ACVR1: variants seen among roughly 807,000 people sequenced by gnomAD.
ACVR1 encodes activin A receptor type 1, also known as activin receptor type-1.
Under a neutral mutation model 57.1 loss-of-function variants are expected in ACVR1, and 38 were observed. That is an observed-to-expected ratio of 0.67 (90% CI 0.51 to 0.87). ACVR1 has a LOEUF of 0.87. ACVR1 is among the 40% of genes least tolerant of loss of function. The pLI, the probability that ACVR1 is intolerant of heterozygous loss-of-function variation, is 0.00. For missense variants in ACVR1, 463 were observed against 638.2 expected (o/e 0.73, Z 2.96); for synonymous variants, 212 against 228.1 (o/e 0.93, Z 0.63).
chr2:157,841,296 A>C (rs1688964513), intron 1 of ACVR1, among the ~76,000 whole-genome samples: 1 of 152,086 alleles, frequency 6.6e-6, no homozygotes, highest in Non-Finnish European at 1.5e-5. Flanking sequence ...CTCACTCTCA[A>C]CCCTTCTCCT....
intron 1 of ACVR1, among the ~76,000 whole-genome samples, chr2:157,846,789 ACTT>A (rs1223431240): frequency 6.6e-6 from 1 of 152,212 alleles, no homozygotes; most frequent in African/African-American, 2.4e-5. Context: ...TAGATTCTAT[ACTT>A]CAATAAACAC....
chr2:157,830,287 A>G (rs1368768961), intron 1 of ACVR1, among the ~76,000 whole-genome samples: 1 of 152,244 alleles, frequency 6.6e-6, no homozygotes, highest in Non-Finnish European at 1.5e-5. Context: ...TAATGGATTC[A>G]AAGCAGAAAA....
chr2:157,790,896 T>C (rs1686885477), intron 3 of ACVR1, among the ~76,000 whole-genome samples: 1 of 152,246 alleles, frequency 6.6e-6, no homozygotes, highest in Non-Finnish European at 1.5e-5. Flanking sequence ...GACAAACACC[T>C]TAGCATAAGG....
chr2:157,768,152 TTC>T lies in ACVR1; in HGVS notation c.791-1958_791-1957del, dbSNP rs1221738387. On this transcript the variant is annotated intron_variant, in intron 7 of 10. Coordinates refer to ENST00000434821, the MANE Select transcript of ACVR1 (RefSeq NM_001111067.4). ...TTTAGCACCTTCACCCTCTACTTCT[TTC>T]TCTCTCTTCCTCTAAGCCTATTCCC... is the stretch of plus-strand genomic sequence containing the variant. Among the ~76,000 whole-genome samples, 4 of 152,270 alleles carry T rather than the reference TTC, an allele frequency of 2.6e-5. No individual in the cohort carries two copies. The East Asian group carries it at 7.7e-4, about 29-fold the overall frequency.
chr2:157,857,190 C>A (rs565487678), intron 1 of ACVR1, among the ~76,000 whole-genome samples: 3 of 151,918 alleles, frequency 2.0e-5, no homozygotes, highest in African/African-American at 7.2e-5. Flanking sequence ...AGGGTAAGAC[C>A]CTGACTCAAA....
chr2:157,792,135 G>GTT (rs74615527), intron 3 of ACVR1, among the ~76,000 whole-genome samples: 4 of 146,278 alleles, frequency 2.7e-5, no homozygotes, highest in African/African-American at 7.5e-5. Context: ...ATACTGGCAG[G>GTT]TTTTTTTTTT....
chr2:157,755,999 G>C (rs1236265102), intron 9 of ACVR1, among the ~76,000 whole-genome samples: 1 of 151,864 alleles, frequency 6.6e-6, no homozygotes, highest in African/African-American at 2.4e-5. Flanking sequence ...AGAGAACCCA[G>C]AAATAAACCC....
intron 2 of ACVR1, among the ~76,000 whole-genome samples, chr2:157,813,073 G>A (rs1446966913): frequency 6.6e-6 from 1 of 152,020 alleles, no homozygotes; most frequent in Non-Finnish European, 1.5e-5. Context: ...TGGGGGGAGA[G>A]GGTGGTAACT....
intron 1 of ACVR1, among the ~76,000 whole-genome samples, chr2:157,820,510 G>A (rs1490448117): frequency 6.6e-6 from 1 of 151,942 alleles, no homozygotes; most frequent in Non-Finnish European, 1.5e-5. Flanking sequence ...GTTTAGATAA[G>A]CCAGAAAATA....
At chr2:157,832,896 G>A (rs182883400) in intron 1 of ACVR1, among the ~76,000 whole-genome samples, 9 of 152,152 alleles carry the variant, frequency 5.9e-5, no homozygotes, top group Middle Eastern at 3.4e-3. Context: ...CAACTTACCC[G>A]ACAATTAATA....
At chr2:157,758,812 A>G (rs182044420) in intron 9 of ACVR1, among the ~76,000 whole-genome samples, 139 of 152,204 alleles carry the variant, frequency 9.1e-4, no homozygotes, top group South Asian at 6.2e-3. Flanking sequence ...CAACAAGTGG[A>G]ATAAAACTAG....
At chr2:157,846,961 A>G (rs1354005249) in intron 1 of ACVR1, among the ~76,000 whole-genome samples, 1 of 152,174 alleles carries the variant, frequency 6.6e-6, no homozygotes, top group Non-Finnish European at 1.5e-5. Context: ...AAGAGGCTGG[A>G]TAGGTAAAGA....
At chr2:157,855,323 TACAC>T (rs138199528) in intron 1 of ACVR1, among the ~76,000 whole-genome samples, 1,923 of 108,444 alleles carry the variant, frequency 0.018, 88 homozygotes, top group African/African-American at 0.051. Flanking sequence ...TATATATATA[TACAC>T]ACACACACAC....
At position 157,858,537 on chromosome 2, in the gene ACVR1, C is replaced by A. The variant is rs1268921316; in HGVS notation, c.-183+17259G>T. Among the ~76,000 whole-genome samples the A allele has an allele frequency of 2.6e-5, 4 of 152,116 alleles. 1 individual carries two copies. The highest frequency in any genetic ancestry group is 4.1e-4 in the South Asian group (2 of 4,834). On this transcript the variant is annotated intron_variant, in intron 1 of 10. Coordinates refer to ENST00000434821, the MANE Select transcript of ACVR1 (RefSeq NM_001111067.4). ...CCCAAGCTGGAGTGCAGTGGCGCAA[C>A]CTTGGCTCACTGCAACCTCCATCTT...
chr2:157,847,374 A>T (rs1360189494), intron 1 of ACVR1, among the ~76,000 whole-genome samples: 2 of 152,200 alleles, frequency 1.3e-5, no homozygotes, highest in Non-Finnish European at 2.9e-5. Context: ...GAAGATGTTG[A>T]TAATATCAAA....
intron 1 of ACVR1, among the ~76,000 whole-genome samples, chr2:157,862,029 G>A (rs1689736094): frequency 6.6e-6 from 1 of 151,882 alleles, no homozygotes; most frequent in African/African-American, 2.4e-5. Context: ...ATGTGGAAAG[G>A]GTAAAATACA....
At chr2:157,786,453 T>C (rs189744618) in intron 3 of ACVR1, among the ~76,000 whole-genome samples, 1 of 152,328 alleles carries the variant, frequency 6.6e-6, no homozygotes, top group Admixed American at 6.5e-5. Context: ...CCATAAAGTC[T>C]TTAAATGTCA....
At chr2:157,826,786 G>GAAAGGAAAGGA (rs1559080739) in intron 1 of ACVR1, 18 of 103,424 alleles carry the variant, frequency 1.7e-4, no homozygotes, top group African/African-American at 8.3e-4. Context: ...GAAAGGAAAG[G>GAAAGGAAAGGA]AAAGGGAAAG....
chr2:157,757,021 G>GATATATATATATATATATATATTTGAT (rs1559039261), intron 9 of ACVR1, among the ~76,000 whole-genome samples: 4 of 106,434 alleles, frequency 3.8e-5, no homozygotes, highest in Non-Finnish European at 7.2e-5. Flanking sequence ...ATATATATTT[G>GATATATATATATATATATATATTTGAT]ATATATATAT....
Sources: gnomAD v4.1 joint callset for allele counts (sites outside exome capture counted in the v4.1 genomes callset) on GRCh38, gnomAD v4.1.1 for gene constraint, MANE v1.5 for transcripts, NCBI Gene and HGNC (gene_info 2026-07-23, HGNC 2026-07-21) for gene names.